LPAR1: variants seen among roughly 807,000 people sequenced by gnomAD.
LPAR1 encodes LPA receptor 1.
In LPAR1, 5 loss-of-function variants were observed where a neutral mutation model predicts 23.8. That is an observed-to-expected ratio of 0.21 (90% CI 0.11 to 0.44). The LOEUF is 0.44. Ranked by LOEUF, LPAR1 falls within the 20% of genes least tolerant of loss-of-function variation. The pLI is 0.99. For synonymous variants in LPAR1, 160 were observed against 164.7 expected (o/e 0.97, Z 0.22); for missense variants, 311 against 482.8 (o/e 0.64, Z 3.33).
rs138330508 is a variant in LPAR1, at chr9:111,007,073, G to A, written c.-182+29049C>T. ...TCTCTCCCTTTCTCTCTCTCTTTCA[G>A]TGGTGCTTGTTTGCTCCTGTTTTCA... On this transcript the variant is annotated intron_variant, in intron 2 of 5. Transcript: ENST00000683809. Among the ~76,000 whole-genome samples the A allele has an allele frequency of 8.5e-5, 13 of 152,064 alleles. No homozygotes were observed. The East Asian group carries it at 2.1e-3, about 25-fold the overall frequency.
At chr9:110,926,865 A>G (rs1365010711) in intron 5 of LPAR1, among the ~76,000 whole-genome samples, 1 of 152,216 alleles carries the variant, frequency 6.6e-6, no homozygotes, top group East Asian at 1.9e-4. Context: ...GAGCAAGGAC[A>G]GGTTGAATGC....
At chr9:110,884,255 G>A (rs1264649810) in intron 5 of LPAR1, among the ~76,000 whole-genome samples, 1 of 151,980 alleles carries the variant, frequency 6.6e-6, no homozygotes, top group Non-Finnish European at 1.5e-5. Context: ...TCTCTTCCTG[G>A]GATGTTACCT....
chr9:111,013,102 T>A lies in LPAR1; in HGVS notation c.-182+23020A>T, dbSNP rs570065780. On this transcript the variant is annotated intron_variant, in intron 2 of 5. Transcript: ENST00000683809. The stretch of plus-strand genomic sequence containing the variant: ...AAAAAATACATTCAAGGATTTTTTT[T>A]AATTCCAGGATAAGGATCAAATTTA... 2.0e-5 allele frequency among the ~76,000 whole-genome samples: 3 copies of A among 152,320 alleles called. No homozygotes were observed. The East Asian group carries it at 5.8e-4, about 29-fold the overall frequency.
chr9:111,017,997 G>A (rs556018106), intron 2 of LPAR1, among the ~76,000 whole-genome samples: 7 of 152,040 alleles, frequency 4.6e-5, no homozygotes, highest in South Asian at 2.1e-4. Flanking sequence ...CCAACCTGGC[G>A]ACAGAGCAAG....
intron 5 of LPAR1, among the ~76,000 whole-genome samples, chr9:110,919,175 A>G (rs1169245945): frequency 2.0e-5 from 3 of 152,202 alleles, no homozygotes; most frequent in Non-Finnish European, 4.4e-5. Flanking sequence ...GCTCTCACAG[A>G]GGCCAGAGAC....
intron 5 of LPAR1, among the ~76,000 whole-genome samples, chr9:110,888,809 A>T (rs1229705130): frequency 2.0e-5 from 3 of 152,174 alleles, no homozygotes; most frequent in Non-Finnish European, 4.4e-5. Flanking sequence ...CATACAGCTG[A>T]TATGTATGGC....
intron 5 of LPAR1, among the ~76,000 whole-genome samples, chr9:110,937,700 C>A (rs571925656): frequency 6.6e-6 from 1 of 152,232 alleles, no homozygotes; most frequent in Non-Finnish European, 1.5e-5. Flanking sequence ...TGGTATTGCC[C>A]ATTATTAATC....
chr9:111,021,165 A>G (rs566007539), intron 2 of LPAR1, among the ~76,000 whole-genome samples: 2 of 152,212 alleles, frequency 1.3e-5, no homozygotes, highest in Non-Finnish European at 2.9e-5. Flanking sequence ...TGCTGGTCAA[A>G]GGGTACAAAC....
At chr9:110,988,067 G>C (rs780093489) in intron 2 of LPAR1, among the ~76,000 whole-genome samples, 2 of 143,274 alleles carry the variant, frequency 1.4e-5, no homozygotes, top group Non-Finnish European at 3.0e-5. Context: ...CAAAAAGACA[G>C]GTGATCAACA....
intron 5 of LPAR1, among the ~76,000 whole-genome samples, chr9:110,882,675 T>G (rs2081206398): frequency 6.6e-6 from 1 of 152,132 alleles, no homozygotes; most frequent in Non-Finnish European, 1.5e-5. Flanking sequence ...AGCACATGAA[T>G]GAGAACAAGC....
At chr9:110,931,326 TTTAAA>T (rs2094402579) in intron 5 of LPAR1, among the ~76,000 whole-genome samples, 1 of 152,334 alleles carries the variant, frequency 6.6e-6, no homozygotes, top group South Asian at 2.1e-4. Flanking sequence ...ATTGCACTTA[TTTAAA>T]TTATCTGTCA....
intron 5 of LPAR1, among the ~76,000 whole-genome samples, chr9:110,878,759 C>T (rs556931147): frequency 6.6e-5 from 10 of 152,252 alleles, no homozygotes; most frequent in Admixed American, 3.3e-4. Flanking sequence ...GTGAGTGGCA[C>T]GCTGGCGTTG....
rs570937721 is a variant in LPAR1, at chr9:110,942,066, T to A, written c.148A>T (p.Lys50Ter). The A allele has an allele frequency of 6.2e-7, 1 of 1,614,188 alleles. No individual in the cohort carries two copies. Among genetic ancestry groups the A allele is most frequent in the South Asian group, 1.1e-5 (1 of 91,078 alleles). Residue 50 changes from lysine (K) to a stop codon, truncating the protein, a stop_gained, in exon 5 of 6, where the codon AAG becomes TAG. Transcript: ENST00000683809. LOFTEE classifies it high-confidence loss of function. The part of the protein sequence containing the change: ...HLATEWNTVS[K>*]LVMGLGITVC... ...GTGATTCCAAGTCCCATCACCAGCTTGCTGACTGTGTTCCATTCTGTGGCA... is the reference window on the plus strand; with the variant it reads ...GTGATTCCAAGTCCCATCACCAGCTAGCTGACTGTGTTCCATTCTGTGGCA...
Position 110,916,406 on chromosome 9 carries a change from G to C in LPAR1, c.793+25015C>G, listed in dbSNP as rs548763749. Among the ~76,000 whole-genome samples the C allele has an allele frequency of 1.9e-3, 291 of 152,326 alleles. 1 individual carries two copies. Among genetic ancestry groups the C allele is most frequent in the African/African-American group, 6.8e-3 (284 of 41,568 alleles). On this transcript the variant is annotated intron_variant, in intron 5 of 5. Transcript: ENST00000683809. ...AAAAAAATACACTGGATGGAAGTAT[G>C]TCAAAATGGTGGTGGTCAAGTTCAG...
At chr9:110,932,413 A>G (rs2094467157) in intron 5 of LPAR1, among the ~76,000 whole-genome samples, 1 of 152,260 alleles carries the variant, frequency 6.6e-6, no homozygotes, top group African/African-American at 2.4e-5. Flanking sequence ...ACAGGTGGTC[A>G]AACTGTGAAG....
At chr9:110,985,576 A>T (rs1477179333) in intron 2 of LPAR1, among the ~76,000 whole-genome samples, 1 of 152,086 alleles carries the variant, frequency 6.6e-6, no homozygotes, top group Non-Finnish European at 1.5e-5. Flanking sequence ...CAGGTCAGGT[A>T]TTCTAGAAGC....
chr9:110,991,579 T>G (rs1014478717), intron 2 of LPAR1, among the ~76,000 whole-genome samples: 1 of 72,934 alleles, frequency 1.4e-5, no homozygotes, highest in Non-Finnish European at 3.3e-5. Context: ...TCTGGTTTGT[T>G]TTGTTGTTGT....
At chr9:111,012,614 A>G (rs1237595703) in intron 2 of LPAR1, among the ~76,000 whole-genome samples, 2 of 152,114 alleles carry the variant, frequency 1.3e-5, no homozygotes, top group East Asian at 3.9e-4. Context: ...GTTCCAGTCC[A>G]AGCTTGTCCC....
chr9:110,905,350 T>TA (rs2090876332), intron 5 of LPAR1, among the ~76,000 whole-genome samples: 1 of 83,180 alleles, frequency 1.2e-5, no homozygotes, highest in Non-Finnish European at 2.1e-5. Context: ...TTTTTTATTA[T>TA]TTTTTTTTTT....
Sources: gnomAD v4.1 joint callset for allele counts (sites outside exome capture counted in the v4.1 genomes callset) on GRCh38, gnomAD v4.1.1 for gene constraint, MANE v1.5 for transcripts, NCBI Gene and HGNC (gene_info 2026-07-23, HGNC 2026-07-21) for gene names.